The following LINGO1 variants were observed in gnomAD, a reference collection of about 807,000 sequenced individuals.
LINGO1 encodes the protein leucine-rich repeat and immunoglobulin-like domain-containing nogo receptor-interacting protein 1.
In LINGO1, 11 loss-of-function variants were observed where a neutral mutation model predicts 37.3. The ratio of observed to expected loss-of-function variants is 0.29; its 90% CI spans 0.19 to 0.49. The LOEUF is 0.49. LINGO1 is among the 20% of genes least tolerant of loss of function. The pLI, the probability that LINGO1 is intolerant of heterozygous loss-of-function variation, is 0.99. For missense variants in LINGO1, 585 were observed against 878.2 expected, an observed-to-expected ratio of 0.67 and a Z score of 4.22; for synonymous variants, 387 against 403.0, an observed-to-expected ratio of 0.96 and a Z score of 0.48.
intron 2 of LINGO1, among the ~76,000 whole-genome samples, chr15:77,705,626 C>G (rs1358860703): frequency 6.6e-6 from 1 of 152,240 alleles, no homozygotes; most frequent in Non-Finnish European, 1.5e-5. Context: ...CTCGGGGAGC[C>G]ACCCTGTCCT....
rs200986965 is a variant in LINGO1, at chr15:77,615,361, G to A, written c.546C>T (p.Ile182=). ...LEVGDNDLVY[I]SHRAFSGLNS... ...TGAGGCCGCTGAAGGCGCGGTGAGAGATGTAGACGAGGTCATTGTCGCCAA... is the reference window on the plus strand; with the variant it reads ...TGAGGCCGCTGAAGGCGCGGTGAGAAATGTAGACGAGGTCATTGTCGCCAA... Residue 182 remains isoleucine, a synonymous_variant, in exon 2 of 2, where the codon ATC becomes ATT. Transcript: ENST00000355300. 2 of 1,614,024 alleles carry A rather than the reference G, an allele frequency of 1.2e-6. No individual in the cohort carries two copies. Among genetic ancestry groups the A allele is most frequent in the Admixed American group, 3.3e-5 (2 of 60,030 alleles).
At chr15:77,665,700 G>T (rs573282748) in intron 3 of LINGO1, among the ~76,000 whole-genome samples, 23 of 152,280 alleles carry the variant, frequency 1.5e-4, no homozygotes, top group African/African-American at 5.5e-4. Flanking sequence ...TGCCCACACC[G>T]CACCCTCCGC....
intron 3 of LINGO1, among the ~76,000 whole-genome samples, chr15:77,676,009 C>T (rs887231425): frequency 6.6e-6 from 1 of 152,248 alleles, no homozygotes. Flanking sequence ...AGGCCCAACC[C>T]GCCCTGTCCC....
rs758177264 is a variant in LINGO1, at chr15:77,614,557, G to A, written c.1350C>T (p.Gly450=). The A allele has an allele frequency of 8.1e-6, 13 of 1,609,794 alleles. No homozygotes were observed. The Admixed American group carries it at 1.0e-4, about 12-fold the overall frequency. The change falls in exon 2 of 2, where the codon GGC becomes GGT. Residue 450 remains glycine (G), a synonymous_variant. Transcript: ENST00000355300. ...HTVQFVCRAD[G]DPPPAILWLS... ...GCCAGAGGATGGCGGGCGGCGGGTC[G>A]CCATCGGCCCGGCACACAAACTGCA...
Position 77,714,020 on chromosome 15 carries a change from G to A in LINGO1, c.-195+20972C>T, listed in dbSNP as rs903497012. 2.0e-5 allele frequency among the ~76,000 whole-genome samples: 3 copies of A among 151,910 alleles called. No individual in the cohort carries two copies. In the South Asian group the frequency reaches 6.2e-4, roughly 32 times the overall value. On this transcript the variant is annotated intron_variant, in intron 2 of 3. Transcript: ENST00000561686. ...ACCATCTACAGCTGCTGGTTCCCAC[G>A]TCCCCATCCCCTATAAAGACCTCTC...
intron 1 of LINGO1, among the ~76,000 whole-genome samples, chr15:77,631,355 C>T (rs1030163898): frequency 6.6e-6 from 1 of 151,996 alleles, no homozygotes; most frequent in Non-Finnish European, 1.5e-5. Flanking sequence ...TCCTCTCAGG[C>T]CCCCTTCTGC....
rs191488700 is a variant in LINGO1 at position 77,663,439 on chromosome 15, G to A, written c.-13+13650C>T. Among the ~76,000 whole-genome samples the A allele has an allele frequency of 1.1e-4, 16 of 152,292 alleles. No individual in the cohort carries two copies. The East Asian group carries it at 3.1e-3, about 29-fold the overall frequency. On this transcript the variant is annotated intron_variant, in intron 3 of 3. Transcript: ENST00000559893. ...CAGTGAACGTCTGCCTGAGCTCACTGGTGGGGTAGAACTCCACCCTGGACT... is the reference window on the plus strand; with the variant it reads ...CAGTGAACGTCTGCCTGAGCTCACTAGTGGGGTAGAACTCCACCCTGGACT...
intron 1 of LINGO1, among the ~76,000 whole-genome samples, chr15:77,740,965 G>A (rs2076257418): frequency 6.6e-6 from 1 of 152,194 alleles, no homozygotes; most frequent in Non-Finnish European, 1.5e-5. Context: ...GTCCACACAT[G>A]TCCATCTCCT....
At chr15:77,702,979 G>A (rs2075803685) in intron 2 of LINGO1, among the ~76,000 whole-genome samples, 1 of 152,194 alleles carries the variant, frequency 6.6e-6, no homozygotes, top group Non-Finnish European at 1.5e-5. Flanking sequence ...CACACAGAGG[G>A]GACTGGAGAG....
chr15:77,762,689 A>G (rs1256723986), intron 1 of LINGO1, among the ~76,000 whole-genome samples: 1 of 152,074 alleles, frequency 6.6e-6, no homozygotes, highest in Non-Finnish European at 1.5e-5. Context: ...CCTCCTATCT[A>G]TCTGGTGAAT....
chr15:77,737,012 C>T (rs1596171939), intron 1 of LINGO1, among the ~76,000 whole-genome samples: 1 of 152,278 alleles, frequency 6.6e-6, no homozygotes, highest in South Asian at 2.1e-4. Flanking sequence ...TGTAATCAGG[C>T]CCCCAAGGAT....
intron 2 of LINGO1, among the ~76,000 whole-genome samples, chr15:77,683,142 C>T (rs1000288532): frequency 3.3e-5 from 5 of 152,200 alleles, no homozygotes; most frequent in Non-Finnish European, 5.9e-5. Context: ...TGCTCAGCCT[C>T]GCTGGGGAGA....
At chr15:77,680,048 C>T (rs186408331) in intron 2 of LINGO1, among the ~76,000 whole-genome samples, 8 of 152,368 alleles carry the variant, frequency 5.3e-5, no homozygotes, top group East Asian at 1.9e-4. Flanking sequence ...TTCTGCCCAA[C>T]GGGCTGTGAA....
Position 77,773,479 on chromosome 15 carries a change from T to G in LINGO1, c.-257+13390A>C, listed in dbSNP as rs141576835. On this transcript the variant is annotated intron_variant, in intron 1 of 3. Coordinates refer to the LINGO1 transcript ENST00000561686. Reference sequence around the variant, plus strand: ...TTAGGTGACAGCTAGTAGGTGAGATTTGAACCAATGCAGGCCAAACTGTGC... The same window carrying G: ...TTAGGTGACAGCTAGTAGGTGAGATGTGAACCAATGCAGGCCAAACTGTGC... 3.7e-3 allele frequency among the ~76,000 whole-genome samples: 568 copies of G among 152,120 alleles called. 2 individuals carry two copies. Among genetic ancestry groups the G allele is most frequent in the African/African-American group, 0.013 (539 of 41,492 alleles).
chr15:77,774,448 A>C (rs2076616924), intron 1 of LINGO1, among the ~76,000 whole-genome samples: 7 of 152,096 alleles, frequency 4.6e-5, no homozygotes, highest in Admixed American at 4.6e-4. Context: ...CACCACAAGC[A>C]GCGGGGCACC....
chr15:77,762,962 G>A (rs868508503), intron 1 of LINGO1, among the ~76,000 whole-genome samples: 6 of 152,216 alleles, frequency 3.9e-5, no homozygotes, highest in Admixed American at 3.3e-4. Flanking sequence ...TGCCTGGCAC[G>A]TAGTAGGTGC....
At chr15:77,645,951 C>T (rs1398067489) in intron 3 of LINGO1, among the ~76,000 whole-genome samples, 1 of 152,126 alleles carries the variant, frequency 6.6e-6, no homozygotes, top group African/African-American at 2.4e-5. Context: ...GCTGGCAGCC[C>T]AGGGTGAGTC....
intron 2 of LINGO1, among the ~76,000 whole-genome samples, chr15:77,708,829 G>T (rs571377388): frequency 1.3e-5 from 2 of 152,326 alleles, no homozygotes; most frequent in East Asian, 3.9e-4. Flanking sequence ...CAGAAGAATT[G>T]CTTGAACCCA....
intron 1 of LINGO1, among the ~76,000 whole-genome samples, chr15:77,621,759 C>T (rs1483052188): frequency 6.6e-6 from 1 of 152,246 alleles, no homozygotes; most frequent in Non-Finnish European, 1.5e-5. Flanking sequence ...ACACTCCTTT[C>T]CTGTGCCTGC....
Sources: gnomAD v4.1 joint callset for allele counts (sites outside exome capture counted in the v4.1 genomes callset) on GRCh38, gnomAD v4.1.1 for gene constraint, MANE v1.5 for transcripts, NCBI Gene and HGNC (gene_info 2026-07-23, HGNC 2026-07-21) for gene names.